The following C12orf42 variants were observed in gnomAD, a reference collection of about 807,000 sequenced individuals.
The protein encoded by C12orf42 is uncharacterized protein C12orf42.
Under a neutral mutation model 21.6 loss-of-function variants are expected in C12orf42, and 25 were observed. That is an observed-to-expected ratio of 1.16 (90% CI 0.84 to 1.62). The LOEUF (loss-of-function observed/expected upper bound fraction) is 1.62. C12orf42 is among the 40% of genes most tolerant of loss of function. The pLI is 0.00. For missense variants in C12orf42, 483 were observed against 459.3 expected (o/e 1.05, Z -0.47); for synonymous variants, 174 against 175.0 (o/e 0.99, Z 0.05).
At chr12:103,287,740 CA>C (rs2036564066) in intron 4 of C12orf42, among the ~76,000 whole-genome samples, 1 of 149,562 alleles carries the variant, frequency 6.7e-6, no homozygotes, top group African/African-American at 2.5e-5. Flanking sequence ...GTGTTCATAA[CA>C]GCTATCCCAT....
chr12:103,413,036 G>T (rs972339149), intron 2 of C12orf42, among the ~76,000 whole-genome samples: 1 of 152,152 alleles, frequency 6.6e-6, no homozygotes, highest in Non-Finnish European at 1.5e-5. Flanking sequence ...ATTTGCCAAG[G>T]CCAATGTCAA....
chr12:103,122,821 G>T, the C12orf42 span, among the ~76,000 whole-genome samples: 1 of 152,138 alleles, frequency 6.6e-6, no homozygotes, highest in Non-Finnish European at 1.5e-5. Flanking sequence ...ATAAGTTAGG[G>T]AGTCCTTGGA....
the C12orf42 span, among the ~76,000 whole-genome samples, chr12:103,536,922 C>T: frequency 2.8e-4 from 42 of 152,212 alleles, no homozygotes; most frequent in African/African-American, 9.6e-4. Context: ...TACTGTCTAA[C>T]ATGCTATAGT....
At chr12:103,329,186 G>A (rs1013011145) in intron 4 of C12orf42, among the ~76,000 whole-genome samples, 2 of 152,112 alleles carry the variant, frequency 1.3e-5, no homozygotes, top group Admixed American at 1.3e-4. Context: ...AGTATGAGGA[G>A]GTGGCACATA....
rs553580434 is a variant in C12orf42 at position 103,351,728 on chromosome 12, C to T, written c.259+17159G>A. On this transcript the variant is annotated intron_variant, in intron 4 of 5. Transcript: ENST00000548883. ...TCACCCCTAAGAAGTAGAGCCCATT[C>T]GTGCTTCCTTCTGGCCTAGATGTGT... is the stretch of plus-strand genomic sequence containing the variant. Among the ~76,000 whole-genome samples the T allele has an allele frequency of 3.9e-5, 6 of 152,150 alleles. No individual in the cohort carries two copies. The South Asian group carries it at 6.2e-4, about 16-fold the overall frequency.
the C12orf42 span, among the ~76,000 whole-genome samples, chr12:103,182,347 C>T: frequency 6.6e-6 from 1 of 152,200 alleles, no homozygotes; most frequent in African/African-American, 2.4e-5. Flanking sequence ...CAGCTGAGAA[C>T]GGATTAGTTA....
chr12:103,481,244 C>A (rs1235666880), intron 1 of C12orf42, among the ~76,000 whole-genome samples: 1 of 151,608 alleles, frequency 6.6e-6, no homozygotes, highest in East Asian at 1.9e-4. Context: ...TAAGTAATGT[C>A]CAAAAATAAA....
chr12:103,347,625 G>C (rs554173197), intron 4 of C12orf42, among the ~76,000 whole-genome samples: 1 of 152,184 alleles, frequency 6.6e-6, no homozygotes, highest in East Asian at 1.9e-4. Flanking sequence ...TCATTCCCAG[G>C]TACAGCCTCT....
the C12orf42 span, chr12:103,548,575 A>G: frequency 6.6e-6 from 1 of 152,234 alleles, no homozygotes; most frequent in East Asian, 1.9e-4. Context: ...CAGAATAAGT[A>G]TATATTTTGC....
the C12orf42 span, among the ~76,000 whole-genome samples, chr12:103,531,786 G>T: frequency 6.6e-6 from 1 of 152,170 alleles, no homozygotes; most frequent in South Asian, 2.1e-4. Flanking sequence ...TGCTTCAGTT[G>T]GTTACACAGG....
At chr12:103,379,563 T>C (rs2045992353) in intron 3 of C12orf42, among the ~76,000 whole-genome samples, 1 of 152,184 alleles carries the variant, frequency 6.6e-6, no homozygotes, top group Admixed American at 6.5e-5. Context: ...AAACATAAAT[T>C]CAAGTTCCTT....
At chr12:103,499,532 A>T (rs1375448147), upstream of C12orf42, among the ~76,000 whole-genome samples, 3 of 152,202 alleles carry the variant, frequency 2.0e-5, no homozygotes, top group Admixed American at 2.0e-4. Flanking sequence ...AAGAGAAAGG[A>T]AGATGGCACA....
the C12orf42 span, among the ~76,000 whole-genome samples, chr12:103,227,725 G>T: frequency 6.6e-6 from 1 of 152,178 alleles, no homozygotes; most frequent in Admixed American, 6.5e-5. Context: ...AAACGTGGGT[G>T]TATAATCAGA....
chr12:103,265,699 G>T (rs2035130881), downstream of C12orf42, among the ~76,000 whole-genome samples: 1 of 152,118 alleles, frequency 6.6e-6, no homozygotes, highest in Non-Finnish European at 1.5e-5. Flanking sequence ...CGTGGGTTGG[G>T]GGACCTGGAA....
chr12:103,553,325 A>C, the C12orf42 span, among the ~76,000 whole-genome samples: 1 of 152,180 alleles, frequency 6.6e-6, no homozygotes, highest in Non-Finnish European at 1.5e-5. Context: ...GAGAAGTATT[A>C]GTATAAGAAG....
chr12:103,254,404 G>A (rs2034452960), intron 10 of C12orf42, among the ~76,000 whole-genome samples: 2 of 152,070 alleles, frequency 1.3e-5, no homozygotes, highest in Admixed American at 1.3e-4. Context: ...TCTTTGCCAG[G>A]TTTTGGTATC....
At chr12:103,161,312 G>A in the C12orf42 span, 1 of 151,926 alleles carries the variant, frequency 6.6e-6, no homozygotes, top group African/African-American at 2.4e-5. Flanking sequence ...GTAATTTGAG[G>A]GCATCAGCCT....
At chr12:103,340,865 G>A (rs1387513046) in intron 4 of C12orf42, among the ~76,000 whole-genome samples, 3 of 152,176 alleles carry the variant, frequency 2.0e-5, no homozygotes, top group African/African-American at 7.2e-5. Flanking sequence ...TGTAATCCCA[G>A]CACTTTGGGA....
At chr12:103,184,715 C>A in the C12orf42 span, among the ~76,000 whole-genome samples, 1 of 50,314 alleles carries the variant, frequency 2.0e-5, no homozygotes, top group African/African-American at 5.7e-5. Flanking sequence ...ATTGTCACCC[C>A]CCCCCCCCCA....
Sources: gnomAD v4.1 joint callset for allele counts (sites outside exome capture counted in the v4.1 genomes callset) on GRCh38, gnomAD v4.1.1 for gene constraint, MANE v1.5 for transcripts, NCBI Gene and HGNC (gene_info 2026-07-23, HGNC 2026-07-21) for gene names.